The following ERVMER34-1 variants were observed in gnomAD, a reference collection of about 807,000 sequenced individuals.
The protein encoded by ERVMER34-1 is endogenous retroviral envelope protein HEMO.
For synonymous variants in ERVMER34-1, 199 were observed against 111.7 expected (o/e 1.78, Z -4.93); for missense variants, 471 against 295.1 (o/e 1.60, Z -4.37).
At chr4:52,747,093 G>A (rs572104217) in intron 2 of ERVMER34-1, among the ~76,000 whole-genome samples, 112 of 152,118 alleles carry the variant, frequency 7.4e-4, no homozygotes, top group Non-Finnish European at 1.2e-3. Context: ...GCTGGGCATG[G>A]TGGTGTGCGC....
Position 52,744,609 on chromosome 4 carries a change from C to T in ERVMER34-1, c.912G>A (p.Gly304=). ...NSGLFFLCGN[G]VYKGFPPKWS... is the part of the protein sequence containing the mutation. ...ATTTAGGTGGAAACCCTTTGTACAC[C>T]CCATTGCCGCACAAAAAAAAGAGGC... Residue 304 remains glycine, a synonymous_variant, in exon 3 of 3, where the codon GGG becomes GGA. Coordinates refer to ENST00000443173, the MANE Select transcript of ERVMER34-1 (RefSeq NM_001242690.2). 1 of 704,008 alleles carries T rather than the reference C, an allele frequency of 1.4e-6. No individual in the cohort carries two copies. The highest frequency in any genetic ancestry group is 2.7e-5 in the East Asian group (1 of 37,280). 43.6% of individuals were successfully genotyped at this position (704,008 alleles called of 1,614,324 possible).
intron 2 of ERVMER34-1, among the ~76,000 whole-genome samples, chr4:52,749,524 G>A (rs571240822): frequency 8.5e-5 from 13 of 152,230 alleles, no homozygotes; most frequent in South Asian, 2.1e-4. Context: ...ACTCTGGGCC[G>A]GGTGTGGTGG....
At chr4:52,750,250 C>T (rs913034544) in intron 2 of ERVMER34-1, among the ~76,000 whole-genome samples, 3 of 152,106 alleles carry the variant, frequency 2.0e-5, no homozygotes, top group Non-Finnish European at 2.9e-5. Flanking sequence ...CCGCCCACCT[C>T]GGCCTCCCAA....
chr4:52,748,429 A>T (rs777200524), intron 2 of ERVMER34-1, among the ~76,000 whole-genome samples: 1 of 152,226 alleles, frequency 6.6e-6, no homozygotes, highest in Non-Finnish European at 1.5e-5. Flanking sequence ...ACCTGAGAAC[A>T]TCTGAAGACT....
intron 2 of ERVMER34-1, among the ~76,000 whole-genome samples, chr4:52,750,227 G>T (rs919003758): frequency 2.6e-5 from 4 of 152,066 alleles, no homozygotes; most frequent in African/African-American, 9.7e-5. Flanking sequence ...TCGAACTCCT[G>T]ACCTCAGGCA....
rs1413526057 is a variant in ERVMER34-1, at chr4:52,745,004, C to G, written c.517G>C (p.Asp173His). Residue 173 changes from aspartate (D) to histidine (H), a missense_variant, in exon 3 of 3, where the codon GAT becomes CAT. By Grantham distance (81) the Asp-to-His change is moderately conservative. Transcript: ENST00000443173. ...DVTNESRNDD[D>H]DTSVCLGTRQ... ...GTGCCTAGGCAAACACTTGTATCAT[C>G]ATCATCGTTCCTGGATTCATTTGTA... 2 of 704,064 alleles carry G rather than the reference C, an allele frequency of 2.8e-6. No homozygotes were observed. The highest frequency in any genetic ancestry group is 5.2e-6 in the Non-Finnish European group (2 of 385,028). 43.6% of individuals were successfully genotyped at this position (704,064 alleles called of 1,614,324 possible).
chr4:52,744,877 T>C lies in ERVMER34-1; in HGVS notation c.644A>G (p.Asp215Gly), dbSNP rs776204612. ...TGACCAGGTCAATCCAGAATTTCGA[T>C]CTACCCATTTGTAGTCTTGGGTATT... ...LPNTQDYKWV[D>G]RNSGLTWSGN... Residue 215 changes from aspartate to glycine, a missense_variant, in exon 3 of 3, where the codon GAT becomes GGT. Asp to Gly is a moderately conservative substitution (Grantham distance 94, BLOSUM62 -1). Coordinates refer to ENST00000443173, the MANE Select transcript of ERVMER34-1 (RefSeq NM_001242690.2). 6 of 704,012 alleles carry C rather than the reference T, an allele frequency of 8.5e-6. No individual in the cohort carries two copies. The South Asian group carries it at 8.9e-5, about 10-fold the overall frequency. The allele number at this position is 704,012 out of a possible 1,614,324, so 43.6% of individuals were successfully genotyped here. A position where few individuals can be genotyped will look rare whatever the true frequency, so the allele number is the denominator to read the frequency against.
At position 52,743,529 on chromosome 4, in the gene ERVMER34-1, T is replaced by C. The variant is rs1159305238; in HGVS notation, c.*300A>G. ...GGGGGCTTGCAAATTAACAGATCAA[T>C]AGAAAAAACATTTATTATATATGCA... On this transcript the variant is annotated 3_prime_UTR_variant, in exon 3 of 3. Transcript: ENST00000443173. 4.3e-6 allele frequency: 1 copy of C among 233,260 alleles called. No homozygotes were observed. The highest frequency in any genetic ancestry group is 2.3e-5 in the African/African-American group (1 of 44,324). 14.4% of individuals were successfully genotyped at this position (233,260 alleles called of 1,614,324 possible). A position where few individuals can be genotyped will look rare whatever the true frequency, so the allele number is the denominator to read the frequency against.
chr4:52,744,951 G>T lies in ERVMER34-1; in HGVS notation c.570C>A (p.Cys190Ter), dbSNP rs1232702736. The change falls in exon 3 of 3, where the codon TGC becomes TGA. Residue 190 changes from cysteine (C) to a stop codon, truncating the protein, a stop_gained. Coordinates refer to ENST00000443173, the MANE Select transcript of ERVMER34-1 (RefSeq NM_001242690.2). LOFTEE classifies it low-confidence loss of function (END_TRUNC). ...CTGAGCTGTTCCAGGTCCGGTTTGT[G>T]CAACCTGCAAACCAGGAACATTGTC... ...GTRQCSWFAGCTNRTWNSSAV... is the reference protein window; with the variant it reads ...GTRQCSWFAG The T allele has an allele frequency of 5.7e-6, 4 of 704,128 alleles. No homozygotes were observed. The Admixed American group carries it at 8.0e-5, about 14-fold the overall frequency. 43.6% of individuals were successfully genotyped at this position (704,128 alleles called of 1,614,324 possible). A position where few individuals can be genotyped will look rare whatever the true frequency, so the allele number is the denominator to read the frequency against.
At position 52,743,786 on chromosome 4, in the gene ERVMER34-1, A is replaced by G; in HGVS notation, c.*43T>C. On this transcript the variant is annotated 3_prime_UTR_variant, in exon 3 of 3. Coordinates refer to ENST00000443173, the MANE Select transcript of ERVMER34-1 (RefSeq NM_001242690.2). ...AGACCTGCTTTACTCATCAAAGTTTAGCTAAGGCTTTTTGTCTGCAGCTGC... is the reference window on the plus strand; with the variant it reads ...AGACCTGCTTTACTCATCAAAGTTTGGCTAAGGCTTTTTGTCTGCAGCTGC... 3 of 1,445,674 alleles carry G rather than the reference A, an allele frequency of 2.1e-6. No homozygotes were observed. Among genetic ancestry groups the G allele is most frequent in the Non-Finnish European group, 2.7e-6 (3 of 1,104,736 alleles). 89.6% of individuals were successfully genotyped at this position (1,445,674 alleles called of 1,614,324 possible).
At chr4:52,749,292 C>G (rs887728039) in intron 2 of ERVMER34-1, among the ~76,000 whole-genome samples, 2 of 152,246 alleles carry the variant, frequency 1.3e-5, no homozygotes, top group South Asian at 4.1e-4. Flanking sequence ...TCTTATTTAC[C>G]TTTGTTTCCC....
chr4:52,750,406 G>T (rs1209132256), intron 2 of ERVMER34-1, among the ~76,000 whole-genome samples: 2 of 152,092 alleles, frequency 1.3e-5, no homozygotes, highest in African/African-American at 2.4e-5. Context: ...ATTGTTCATT[G>T]CGCAACACTT....
In ERVMER34-1 at chr4:52,745,748, T is replaced by C; in HGVS notation, c.-228A>G. On this transcript the variant is annotated 5_prime_UTR_variant, in exon 3 of 3. Transcript: ENST00000443173. ...TGAGTAGGTGCCAAAATTCCTCAAT[T>C]TGAGGTAACCCATAGCCTTGGCCTT... The C allele has an allele frequency of 3.6e-6, 2 of 550,738 alleles. No homozygotes were observed. Among genetic ancestry groups the C allele is most frequent in the Non-Finnish European group, 6.5e-6 (2 of 308,666 alleles). 34.1% of individuals were successfully genotyped at this position (550,738 alleles called of 1,614,324 possible).
chr4:52,746,135 T>G (rs546664464), intron 2 of ERVMER34-1, among the ~76,000 whole-genome samples, 192 bp from the exon 3 acceptor site: 1 of 152,344 alleles, frequency 6.6e-6, no homozygotes. Flanking sequence ...CAAAAACTAT[T>G]TCAAAAGCAG....
At chr4:52,750,463 T>C (rs1429286019) in intron 2 of ERVMER34-1, among the ~76,000 whole-genome samples, 1 of 152,230 alleles carries the variant, frequency 6.6e-6, no homozygotes, top group African/African-American at 2.4e-5. Flanking sequence ...CTGAGAAAGC[T>C]GCTAAATGGG....
Position 52,745,819 on chromosome 4 carries a change from C to G in ERVMER34-1, c.-299G>C. On this transcript the variant is annotated 5_prime_UTR_variant, in exon 3 of 3. Transcript: ENST00000443173. ...TCAATCTAGCTTCCTGTGGCTTGTA[C>G]AAATTCAGGAATTTTATTTTGATGA... 2.9e-6 allele frequency: 1 copy of G among 344,444 alleles called. No homozygotes were observed. Among genetic ancestry groups the G allele is most frequent in the East Asian group, 5.4e-5 (1 of 18,538 alleles). 21.3% of individuals were successfully genotyped at this position (344,444 alleles called of 1,614,324 possible). A position where few individuals can be genotyped will look rare whatever the true frequency, so the allele number is the denominator to read the frequency against.
chr4:52,749,588 A>C (rs1467431850), intron 2 of ERVMER34-1, among the ~76,000 whole-genome samples: 1 of 152,088 alleles, frequency 6.6e-6, no homozygotes, highest in Non-Finnish European at 1.5e-5. Flanking sequence ...AGATCACCTG[A>C]CGTCAGGAGT....
Position 52,743,990 on chromosome 4 carries a change from C to T in ERVMER34-1, c.1531G>A (p.Val511Ile). The stretch of plus-strand genomic sequence containing the variant: ...AGGGATCTGCGAGATTTGCGAAAGA[C>T]ACGAACATAGATTAAAACAAAGATG... ...LFIFVLIYVR[V>I]FRKSRRSLNS... is the part of the protein sequence containing the mutation. Residue 511 changes from valine (V) to isoleucine (I), a missense_variant, in exon 3 of 3, where the codon GTC becomes ATC. By Grantham distance (29) the Val-to-Ile change is conservative. Transcript: ENST00000443173. The T allele has an allele frequency of 1.3e-6, 1 of 742,346 alleles. No homozygotes were observed. The highest frequency in any genetic ancestry group is 2.7e-5 in the East Asian group (1 of 37,440). 46.0% of individuals were successfully genotyped at this position (742,346 alleles called of 1,614,324 possible). A position where few individuals can be genotyped will look rare whatever the true frequency, so the allele number is the denominator to read the frequency against.
intron 2 of ERVMER34-1, among the ~76,000 whole-genome samples, chr4:52,746,213 T>A (rs1716154366): frequency 6.6e-6 from 1 of 151,902 alleles, no homozygotes; most frequent in South Asian, 2.1e-4. Flanking sequence ...GCGATGGAGG[T>A]CGCACTTTGT....
Sources: gnomAD v4.1 joint callset for allele counts (sites outside exome capture counted in the v4.1 genomes callset) on GRCh38, gnomAD v4.1.1 for gene constraint, MANE v1.5 for transcripts, NCBI Gene and HGNC (gene_info 2026-07-23, HGNC 2026-07-21) for gene names.